DLGAP1: variants seen among roughly 807,000 people sequenced by gnomAD.
The protein encoded by DLGAP1 is disks large-associated protein 1.
In DLGAP1, 11 loss-of-function variants were observed where a neutral mutation model predicts 90.8. The ratio of observed to expected loss-of-function variants is 0.12; its 90% CI spans 0.08 to 0.20. The LOEUF (loss-of-function observed/expected upper bound fraction) is 0.20, where lower values mean the gene tolerates loss of function less well. DLGAP1 is among the 10% of genes least tolerant of loss of function. The pLI is 1.00. For synonymous variants in DLGAP1, 558 were observed against 540.7 expected (o/e 1.03, Z -0.44); for missense variants, 1,050 against 1,333.8 (o/e 0.79, Z 3.31).
At chr18:3,688,565 AT>A (rs2060781866) in intron 7 of DLGAP1, among the ~76,000 whole-genome samples, 1 of 151,118 alleles carries the variant, frequency 6.6e-6, no homozygotes. Flanking sequence ...TGTTGATAAT[AT>A]TTGCTTTTTT....
At chr18:4,346,641 T>C (rs1283442519) in intron 1 of DLGAP1, among the ~76,000 whole-genome samples, 1 of 152,186 alleles carries the variant, frequency 6.6e-6, no homozygotes, top group Admixed American at 6.5e-5. Flanking sequence ...TTAAGACACA[T>C]CTGTCTGATC....
intron 3 of DLGAP1, among the ~76,000 whole-genome samples, chr18:3,917,649 A>G (rs2148905524): frequency 6.6e-6 from 1 of 152,366 alleles, no homozygotes; most frequent in East Asian, 1.9e-4. Flanking sequence ...ATTTGCTATC[A>G]AGTAAATTTC....
intron 8 of DLGAP1, among the ~76,000 whole-genome samples, chr18:3,576,320 C>T (rs570791776): frequency 6.0e-5 from 9 of 150,170 alleles, no homozygotes; most frequent in Middle Eastern, 6.9e-3. Flanking sequence ...AGTGCAGTGG[C>T]GCGATCTCGG....
chr18:3,506,518 A>C (rs78207512), intron 11 of DLGAP1, among the ~76,000 whole-genome samples: 1,895 of 149,354 alleles, frequency 0.013, 47 homozygotes, highest in African/African-American at 0.044. Flanking sequence ...CGTCTCAAAA[A>C]AAAAAAAAAA....
At chr18:3,835,658 A>G (rs1489714335) in intron 4 of DLGAP1, among the ~76,000 whole-genome samples, 1 of 151,902 alleles carries the variant, frequency 6.6e-6, no homozygotes, top group Non-Finnish European at 1.5e-5. Flanking sequence ...AAAAAAAAAA[A>G]AAAAAAGAAA....
intron 1 of DLGAP1, among the ~76,000 whole-genome samples, chr18:4,284,203 G>A (rs1366657947): frequency 1.7e-4 from 23 of 134,624 alleles, no homozygotes; most frequent in African/African-American, 1.7e-4. Context: ...TGCCTCTACT[G>A]AAAAAAAAAA....
chr18:3,548,144 T>A (rs780814718), intron 9 of DLGAP1, among the ~76,000 whole-genome samples: 1 of 152,194 alleles, frequency 6.6e-6, no homozygotes, highest in Non-Finnish European at 1.5e-5. Context: ...TTGGTGATGA[T>A]CAAAATATTT....
At chr18:4,123,660 A>G (rs1471576690) in intron 2 of DLGAP1, among the ~76,000 whole-genome samples, 1 of 152,214 alleles carries the variant, frequency 6.6e-6, no homozygotes, top group African/African-American at 2.4e-5. Context: ...ATAACCCATG[A>G]GTTGTGGAAA....
At position 4,018,206 on chromosome 18, in the gene DLGAP1, A is replaced by T. The variant is rs139780997; in HGVS notation, c.-158-13005T>A. Among the ~76,000 whole-genome samples, 21 of 152,282 alleles carry T rather than the reference A, an allele frequency of 1.4e-4. No individual in the cohort carries two copies. In the East Asian group the frequency reaches 3.7e-3, roughly 27 times the overall value. ...GAGATCTGTGGGGAGTTCCACTGGGATGTGCTCTGGGCAAAACCACTATGA... is the reference window on the plus strand; with the variant it reads ...GAGATCTGTGGGGAGTTCCACTGGGTTGTGCTCTGGGCAAAACCACTATGA... On this transcript the variant is annotated intron_variant, in intron 2 of 12. Transcript: ENST00000315677.
chr18:3,595,156 CAGG>C (rs1214283079), intron 7 of DLGAP1, among the ~76,000 whole-genome samples: 1 of 152,208 alleles, frequency 6.6e-6, no homozygotes, highest in Non-Finnish European at 1.5e-5. Flanking sequence ...TCCAGCCACG[CAGG>C]AGGAGAGGGC....
Position 4,433,935 on chromosome 18 carries a change from T to C in DLGAP1, c.-267+21071A>G, listed in dbSNP as rs1041943004. On this transcript the variant is annotated intron_variant, in intron 1 of 12. Transcript: ENST00000315677. ...GTGCTGAAGCTCCTCTGTGGGCTCC[T>C]CTGTGATTCACATCTGGTCACACAC... Among the ~76,000 whole-genome samples the C allele has an allele frequency of 6.6e-5, 10 of 152,142 alleles. No homozygotes were observed. The South Asian group carries it at 1.2e-3, about 19-fold the overall frequency.
chr18:3,667,590 A>G (rs1018404372), intron 7 of DLGAP1, among the ~76,000 whole-genome samples: 1 of 152,194 alleles, frequency 6.6e-6, no homozygotes, highest in Non-Finnish European at 1.5e-5. Context: ...GGCCAAGTCT[A>G]TTAAAACCCC....
intron 1 of DLGAP1, among the ~76,000 whole-genome samples, chr18:4,442,264 C>T (rs2083555120): frequency 6.6e-6 from 1 of 152,174 alleles, no homozygotes; most frequent in Non-Finnish European, 1.5e-5. Flanking sequence ...TCCCAAAGTG[C>T]TGGGATTACA....
intron 1 of DLGAP1, among the ~76,000 whole-genome samples, chr18:4,211,495 A>T (rs1305614489): frequency 6.6e-6 from 1 of 152,184 alleles, no homozygotes; most frequent in East Asian, 1.9e-4. Flanking sequence ...AATCTTTCCA[A>T]ATGACAGAGA....
At chr18:3,675,146 G>A (rs547342988) in intron 7 of DLGAP1, among the ~76,000 whole-genome samples, 4 of 152,184 alleles carry the variant, frequency 2.6e-5, no homozygotes, top group South Asian at 2.1e-4. Context: ...ATCTCGGCTC[G>A]CTGCAATCTT....
At chr18:3,679,636 T>C (rs1008106363) in intron 7 of DLGAP1, among the ~76,000 whole-genome samples, 21 of 148,612 alleles carry the variant, frequency 1.4e-4, no homozygotes, top group African/African-American at 4.0e-4. Flanking sequence ...CCGTGGTAGT[T>C]TGGCTCTAAG....
At chr18:3,506,513 C>CAAAAAAAAAA (rs11316330) in intron 11 of DLGAP1, among the ~76,000 whole-genome samples, 1 of 69,624 alleles carries the variant, frequency 1.4e-5, no homozygotes, top group Non-Finnish European at 2.5e-5. Context: ...GACTCCGTCT[C>CAAAAAAAAAA]AAAAAAAAAA....
At chr18:4,091,295 C>G (rs576039838) in intron 2 of DLGAP1, among the ~76,000 whole-genome samples, 1 of 152,270 alleles carries the variant, frequency 6.6e-6, no homozygotes, top group African/African-American at 2.4e-5. Flanking sequence ...TCTTCTGAAT[C>G]TAAGATGTCT....
intron 2 of DLGAP1, among the ~76,000 whole-genome samples, chr18:4,041,750 A>G (rs1029502854): frequency 6.6e-6 from 1 of 152,144 alleles, no homozygotes; most frequent in Admixed American, 6.6e-5. Flanking sequence ...AAGTCCATAC[A>G]ACCACATCTG....
Sources: gnomAD v4.1 joint callset for allele counts (sites outside exome capture counted in the v4.1 genomes callset) on GRCh38, gnomAD v4.1.1 for gene constraint, MANE v1.5 for transcripts, NCBI Gene and HGNC (gene_info 2026-07-23, HGNC 2026-07-21) for gene names.